The following SLC24A3 variants were observed in gnomAD, a reference collection of about 807,000 sequenced individuals.
SLC24A3 encodes solute carrier family 24 member 3.
A neutral mutation model predicts 75.8 loss-of-function variants in SLC24A3; 28 were observed. That is an observed-to-expected ratio of 0.37 (90% CI 0.27 to 0.51). SLC24A3 has a LOEUF of 0.51. Ranked by LOEUF, SLC24A3 falls within the 20% of genes least tolerant of loss-of-function variation. The pLI, the probability that SLC24A3 is intolerant of heterozygous loss-of-function variation, is 0.94. For missense variants in SLC24A3, 663 were observed against 847.8 expected (o/e 0.78, Z 2.71); for synonymous variants, 372 against 334.1 (o/e 1.11, Z -1.24).
At chr20:19,444,811 TTGA>T (rs1987353287) in intron 2 of SLC24A3, among the ~76,000 whole-genome samples, 1 of 152,142 alleles carries the variant, frequency 6.6e-6, no homozygotes, top group South Asian at 2.1e-4. Flanking sequence ...TTTAGTTTCA[TTGA>T]TTTCTGCTCT....
At chr20:19,335,805 T>C (rs1985118033) in intron 2 of SLC24A3, among the ~76,000 whole-genome samples, 1 of 152,226 alleles carries the variant, frequency 6.6e-6, no homozygotes, top group African/African-American at 2.4e-5. Flanking sequence ...TTAGCATCAA[T>C]TAACTTGTAT....
chr20:19,524,105 T>A (rs1046073088), intron 3 of SLC24A3, among the ~76,000 whole-genome samples: 38 of 152,248 alleles, frequency 2.5e-4, no homozygotes, highest in African/African-American at 8.9e-4. Flanking sequence ...CCCAAAGGAA[T>A]AAGCCCTCGC....
At chr20:19,486,157 AC>A (rs1251869616) in intron 2 of SLC24A3, among the ~76,000 whole-genome samples, 13 of 152,326 alleles carry the variant, frequency 8.5e-5, no homozygotes, top group Admixed American at 2.0e-4. Flanking sequence ...GTCCTTGCTG[AC>A]CCAGGGAAGG....
At chr20:19,270,630 G>A (rs1983297412) in intron 1 of SLC24A3, among the ~76,000 whole-genome samples, 1 of 152,142 alleles carries the variant, frequency 6.6e-6, no homozygotes, top group Non-Finnish European at 1.5e-5. Context: ...GGGATTTGGT[G>A]GATGTATTCT....
intron 2 of SLC24A3, among the ~76,000 whole-genome samples, chr20:19,331,181 GA>G (rs1307065471): frequency 1.3e-5 from 2 of 152,194 alleles, no homozygotes; most frequent in East Asian, 3.9e-4. Context: ...CAGAAGTTTA[GA>G]TAAAAGAGTT....
chr20:19,215,401 T>C (rs374339361), intron 1 of SLC24A3, among the ~76,000 whole-genome samples: 7 of 152,222 alleles, frequency 4.6e-5, no homozygotes, highest in East Asian at 1.9e-4. Flanking sequence ...TCTGTCCTCA[T>C]ATTCAAACCA....
intron 3 of SLC24A3, among the ~76,000 whole-genome samples, chr20:19,532,327 C>T (rs1299766834): frequency 6.6e-6 from 1 of 152,174 alleles, no homozygotes; most frequent in Non-Finnish European, 1.5e-5. Context: ...CATGTCCAGA[C>T]CCCTGAGTGC....
intron 1 of SLC24A3, among the ~76,000 whole-genome samples, chr20:19,229,508 T>C (rs1981957138): frequency 6.6e-6 from 1 of 152,184 alleles, no homozygotes; most frequent in Non-Finnish European, 1.5e-5. Flanking sequence ...TGTCATGCAG[T>C]CATTATTGGT....
At chr20:19,360,155 A>G (rs1032727150) in intron 2 of SLC24A3, among the ~76,000 whole-genome samples, 1 of 152,210 alleles carries the variant, frequency 6.6e-6, no homozygotes, top group Admixed American at 6.5e-5. Flanking sequence ...TTTGACAGAT[A>G]TTGCCCAGAA....
intron 3 of SLC24A3, among the ~76,000 whole-genome samples, chr20:19,535,217 TG>T (rs777853728): frequency 2.6e-5 from 4 of 152,252 alleles, no homozygotes; most frequent in Non-Finnish European, 5.9e-5. Context: ...TGCTACATTT[TG>T]GTAGCTTAAA....
At chr20:19,537,677 C>T (rs1370245706) in intron 3 of SLC24A3, among the ~76,000 whole-genome samples, 1 of 152,110 alleles carries the variant, frequency 6.6e-6, no homozygotes, top group Non-Finnish European at 1.5e-5. Flanking sequence ...CACATATACA[C>T]CATGGAATAC....
chr20:19,621,401 T>C (rs1568675580), intron 6 of SLC24A3, among the ~76,000 whole-genome samples: 1 of 152,002 alleles, frequency 6.6e-6, no homozygotes, highest in Non-Finnish European at 1.5e-5. Context: ...TGTAGAAGGG[T>C]TGTTGGTTGG....
intron 2 of SLC24A3, among the ~76,000 whole-genome samples, chr20:19,325,761 CATACATATATATATACATAT>C (rs1568589793): frequency 2.7e-4 from 12 of 44,454 alleles, no homozygotes; most frequent in African/African-American, 1.4e-3. Context: ...TGTATACATA[CATACATATATATATACATAT>C]ATATATATAT....
chr20:19,581,950 A>C (rs1456884974), intron 4 of SLC24A3, among the ~76,000 whole-genome samples: 1 of 152,178 alleles, frequency 6.6e-6, no homozygotes, highest in Non-Finnish European at 1.5e-5. Context: ...CCCACCCCAA[A>C]TCTGGTCTTA....
intron 2 of SLC24A3, among the ~76,000 whole-genome samples, chr20:19,369,498 AT>A (rs968420849): frequency 6.6e-6 from 1 of 152,056 alleles, no homozygotes; most frequent in African/African-American, 2.4e-5. Flanking sequence ...CTGGACCACA[AT>A]TTTTTTTACT....
intron 13 of SLC24A3, chr20:19,696,415 C>A (rs1161034582): frequency 5.8e-6 from 1 of 171,314 alleles, no homozygotes; most frequent in Non-Finnish European, 1.2e-5. Flanking sequence ...CTGACATGGA[C>A]GCTCAAATTC....
chr20:19,396,074 AC>A (rs1186095364), intron 2 of SLC24A3, among the ~76,000 whole-genome samples: 2 of 152,154 alleles, frequency 1.3e-5, no homozygotes, highest in African/African-American at 4.8e-5. Flanking sequence ...TTGTATGATA[AC>A]CCTTGAAAAG....
intron 2 of SLC24A3, among the ~76,000 whole-genome samples, chr20:19,317,650 G>T (rs1156437117): frequency 6.6e-6 from 1 of 152,144 alleles, no homozygotes; most frequent in Non-Finnish European, 1.5e-5. Context: ...TTCCTCCTTT[G>T]AGTTGCTGTA....
intron 2 of SLC24A3, among the ~76,000 whole-genome samples, chr20:19,497,240 C>T (rs1345064838): frequency 6.6e-6 from 1 of 152,220 alleles, no homozygotes; most frequent in African/African-American, 2.4e-5. Context: ...CACAAGTAGA[C>T]ATTTCCGGCA....
Sources: allele counts gnomAD v4.1 joint callset (sites outside exome capture counted in the v4.1 genomes callset), GRCh38; gene constraint gnomAD v4.1.1; transcripts MANE v1.5; gene names NCBI Gene and HGNC (gene_info 2026-07-23, HGNC 2026-07-21).